Variants in CCDC197 observed in about 807,000 individuals in gnomAD.
The protein encoded by CCDC197 is uncharacterized protein CCDC197.
CCDC197 carries 24 observed loss-of-function variants against 13.4 expected under a neutral mutation model. That is an observed-to-expected ratio of 1.80 (90% confidence interval 1.30 to 2.53). The LOEUF is 2.53. Ranked by LOEUF, CCDC197 falls within the 30% of genes most tolerant of loss-of-function variation. The pLI, the probability that CCDC197 is intolerant of heterozygous loss-of-function variation, is 0.00. For missense variants in CCDC197, 255 were observed against 148.8 expected (o/e 1.71, Z -3.71); for synonymous variants, 99 against 55.5 (o/e 1.78, Z -3.48).
At chr14:94,008,094 TC>T (rs1026755845) in intron 6 of CCDC197, among the ~76,000 whole-genome samples, 2 of 148,814 alleles carry the variant, frequency 1.3e-5, no homozygotes, top group South Asian at 4.2e-4. Flanking sequence ...TTCATCTTCT[TC>T]CCAAGAAAAG....
At chr14:94,002,633 A>G (rs1890555668) in intron 4 of CCDC197, among the ~76,000 whole-genome samples, 1 of 152,186 alleles carries the variant, frequency 6.6e-6, no homozygotes, top group Admixed American at 6.5e-5. Flanking sequence ...CGGGCAGATC[A>G]TTCGAGGTCA....
rs1890659417 is a variant in CCDC197, at chr14:94,005,630, AT to A, written c.615+662del. On this transcript the variant is annotated intron_variant, in intron 6 of 6. Transcript: ENST00000636493. ...TGAGATATAATTCACATACCATAAC[AT>A]TTAGCCCTTACAATTATGCATGTCC... 3.3e-5 allele frequency among the ~76,000 whole-genome samples: 5 copies of A among 152,290 alleles called. No homozygotes were observed. The South Asian group carries it at 8.3e-4, about 25-fold the overall frequency.
upstream of CCDC197, among the ~76,000 whole-genome samples, chr14:93,994,898 C>T (rs1435839679): frequency 6.6e-6 from 1 of 152,188 alleles, no homozygotes. Context: ...GTGGGACCCC[C>T]TATCCATCAC....
intron 1 of CCDC197, among the ~76,000 whole-genome samples, chr14:93,991,469 G>A (rs1392241134): frequency 6.6e-6 from 1 of 152,212 alleles, no homozygotes; most frequent in Admixed American, 6.5e-5. Context: ...GGTGGTTGGT[G>A]CGAGAATCGT....
At chr14:94,001,658 A>T in intron 4 of CCDC197, 1 of 215,574 alleles carries the variant, frequency 4.6e-6, no homozygotes. Flanking sequence ...TGCATCTGTC[A>T]AGTGGGGGCA....
At chr14:93,992,681 C>T (rs112080763), upstream of CCDC197, among the ~76,000 whole-genome samples, 8 of 152,310 alleles carry the variant, frequency 5.3e-5, no homozygotes, top group African/African-American at 9.6e-5. Flanking sequence ...TGTGGCCCCT[C>T]GGACCATGAC....
chr14:93,993,339 T>C (rs1325223083), upstream of CCDC197, among the ~76,000 whole-genome samples: 1 of 152,204 alleles, frequency 6.6e-6, no homozygotes, highest in Non-Finnish European at 1.5e-5. Context: ...AGACATAAAA[T>C]GTTCGTTCAT....
At chr14:93,994,808 G>A (rs1890255044), upstream of CCDC197, among the ~76,000 whole-genome samples, 1 of 152,268 alleles carries the variant, frequency 6.6e-6, no homozygotes, top group African/African-American at 2.4e-5. Flanking sequence ...CCAGAGGAGG[G>A]TCAGTGGTCT....
At chr14:93,998,264 C>T in intron 2 of CCDC197, 29 bp downstream of exon 2, 1 of 767,874 alleles carries the variant, frequency 1.3e-6, no homozygotes, top group East Asian at 2.4e-5. Context: ...CTGCCCCAGC[C>T]CCAGCCCCAG....
downstream of CCDC197, among the ~76,000 whole-genome samples, chr14:94,010,654 G>A (rs1159781000): frequency 2.0e-5 from 3 of 152,330 alleles, 1 homozygote; most frequent in Middle Eastern, 6.8e-3. Context: ...GGACAGAAAC[G>A]CCGGAGTAGG....
chr14:94,003,383 G>T lies in CCDC197; in HGVS notation c.498+29G>T. 1 of 712,186 alleles carries T rather than the reference G, an allele frequency of 1.4e-6. No individual in the cohort carries two copies. Among genetic ancestry groups the T allele is most frequent in the South Asian group, 1.5e-5 (1 of 67,588 alleles). 44.1% of individuals were successfully genotyped at this position (712,186 alleles called of 1,614,324 possible). A position where few individuals can be genotyped will look rare whatever the true frequency, so the allele number is the denominator to read the frequency against. On this transcript the variant is annotated intron_variant, in intron 5 of 6. Transcript: ENST00000636493. The surrounding 1 kb of genome is among the most constrained non-coding windows in gnomAD (Gnocchi z 5.0). ...AGTCCAGTCTTTCAGCCTGGGGGTG[G>T]GGTTAGGGGTGGGGAAGGGGAAGCT...
At position 94,008,586 on chromosome 14, in the gene CCDC197, G is replaced by A. The variant is rs1487551339; in HGVS notation, c.616-23G>A. ...TCCAGAGGCCAAAACACTGTCAGGT[G>A]AGAGATTTATTTTCCCTCCCAGGAG... is the stretch of plus-strand genomic sequence containing the variant. On this transcript the variant is annotated intron_variant, in intron 6 of 6. Coordinates refer to ENST00000636493, the MANE Select transcript of CCDC197 (RefSeq NM_001351596.2). 9 of 696,808 alleles carry A rather than the reference G, an allele frequency of 1.3e-5. No homozygotes were observed. In the Admixed American group the frequency reaches 1.8e-4, roughly 14 times the overall value. The allele number at this position is 696,808 out of a possible 1,614,324, so 43.2% of individuals were successfully genotyped here.
At chr14:93,999,423 T>G (rs961010214) in intron 2 of CCDC197, 160 bp from the exon 3 acceptor site, 2 of 602,594 alleles carry the variant, frequency 3.3e-6, no homozygotes, top group Admixed American at 2.9e-5. Flanking sequence ...GAAATGAAGG[T>G]GCAGAGACTC....
downstream of CCDC197, among the ~76,000 whole-genome samples, chr14:94,009,548 G>A (rs545192498): frequency 9.2e-5 from 14 of 152,268 alleles, no homozygotes; most frequent in East Asian, 2.7e-3. Flanking sequence ...GGGCAACATA[G>A]GGAGAGCCTG....
At chr14:93,989,907 G>A (rs914446483) in intron 1 of CCDC197, among the ~76,000 whole-genome samples, 1 of 152,142 alleles carries the variant, frequency 6.6e-6, no homozygotes, top group Non-Finnish European at 1.5e-5. Flanking sequence ...GCAGCCGCAG[G>A]CCTGAGATCC....
At chr14:93,988,651 T>C (rs1595346198) in intron 1 of CCDC197, among the ~76,000 whole-genome samples, 1 of 19,570 alleles carries the variant, frequency 5.1e-5, no homozygotes, top group Admixed American at 7.2e-4. Flanking sequence ...GAGGAGGGGA[T>C]GGGTGGAGGG....
chr14:93,993,343 C>T (rs1890239290), upstream of CCDC197, among the ~76,000 whole-genome samples: 2 of 152,310 alleles, frequency 1.3e-5, no homozygotes, highest in Non-Finnish European at 2.9e-5. Flanking sequence ...ATAAAATGTT[C>T]GTTCATATCT....
At chr14:93,997,888 C>T (rs778374444) in intron 1 of CCDC197, 111 bp from the exon 2 acceptor site, 44 of 530,338 alleles carry the variant, frequency 8.3e-5, no homozygotes, top group Non-Finnish European at 1.3e-4. Context: ...GGATGCAGCC[C>T]GAAGACCTTG....
chr14:94,008,924 G>A (rs1890762081), downstream of CCDC197: 4 of 613,938 alleles, frequency 6.5e-6, no homozygotes, highest in South Asian at 7.5e-5. Context: ...GGGGCATTGA[G>A]GGGGTGGTCA....
Sources: gnomAD v4.1 joint callset for allele counts (sites outside exome capture counted in the v4.1 genomes callset) on GRCh38, gnomAD v4.1.1 for gene constraint, Gnocchi (gnomAD v3.1) non-coding constraint, MANE v1.5 for transcripts, NCBI Gene and HGNC (gene_info 2026-07-23, HGNC 2026-07-21) for gene names.